The following TMEM150C variants were observed in gnomAD, a reference collection of about 807,000 sequenced individuals.
The protein encoded by TMEM150C is tentonin 3.
A neutral mutation model predicts 29.9 loss-of-function variants in TMEM150C; 10 were observed. That is an observed-to-expected ratio of 0.33 (90% CI 0.21 to 0.57). TMEM150C has a LOEUF of 0.57. TMEM150C is among the 20% of genes least tolerant of loss of function. The pLI, the probability that TMEM150C is intolerant of heterozygous loss-of-function variation, is 0.88. For missense variants in TMEM150C, 251 were observed against 303.6 expected (o/e 0.83, Z 1.29); for synonymous variants, 101 against 112.5 (o/e 0.90, Z 0.64).
At chr4:82,506,334 A>G (rs1723919436) in intron 1 of TMEM150C, among the ~76,000 whole-genome samples, 1 of 152,260 alleles carries the variant, frequency 6.6e-6, no homozygotes, top group Non-Finnish European at 1.5e-5. Context: ...CTTTCAGACT[A>G]AGAGATAGAC....
chr4:82,530,630 A>T (rs116545055), intron 1 of TMEM150C, among the ~76,000 whole-genome samples: 6,853 of 152,286 alleles, frequency 0.045, 542 homozygotes, highest in African/African-American at 0.15. Flanking sequence ...GGAATTCCTA[A>T]GTTTGTCTCC....
At chr4:82,552,789 T>C (rs1441074324) in intron 1 of TMEM150C, among the ~76,000 whole-genome samples, 1 of 152,192 alleles carries the variant, frequency 6.6e-6, no homozygotes, top group Non-Finnish European at 1.5e-5. Context: ...GCTTGCCATC[T>C]CTTCTGGGCT....
At chr4:82,515,327 G>A in intron 1 of TMEM150C, among the ~76,000 whole-genome samples, 1 of 152,268 alleles carries the variant, frequency 6.6e-6, no homozygotes, top group Non-Finnish European at 1.5e-5. Context: ...AGATTTCACT[G>A]TATTTTATTC....
intron 5 of TMEM150C, among the ~76,000 whole-genome samples, chr4:82,499,002 T>C (rs1033522347): frequency 6.6e-6 from 1 of 152,166 alleles, no homozygotes; most frequent in Non-Finnish European, 1.5e-5. Context: ...CTTTTTTACC[T>C]CTTAACTCCA....
intron 7 of TMEM150C, among the ~76,000 whole-genome samples, chr4:82,486,496 A>G (rs1181881985): frequency 6.6e-6 from 1 of 152,126 alleles, no homozygotes; most frequent in East Asian, 1.9e-4. Flanking sequence ...ACCGTGTCTG[A>G]GTGGCTGGCC....
chr4:82,538,881 C>T (rs528608952), intron 1 of TMEM150C, among the ~76,000 whole-genome samples: 30 of 152,016 alleles, frequency 2.0e-4, no homozygotes, highest in Admixed American at 1.3e-3. Flanking sequence ...GGCAACATGG[C>T]GAAACCTTAA....
chr4:82,497,843 G>A (rs919984718), intron 5 of TMEM150C, among the ~76,000 whole-genome samples: 4 of 152,158 alleles, frequency 2.6e-5, no homozygotes, highest in African/African-American at 7.2e-5. Context: ...AGTAGGAGGA[G>A]GAAGTAGGGG....
intron 5 of TMEM150C, among the ~76,000 whole-genome samples, chr4:82,497,100 G>A (rs1008241822): frequency 3.3e-5 from 5 of 152,298 alleles, no homozygotes; most frequent in Admixed American, 3.3e-4. Context: ...TTTCAAATCT[G>A]ACTTCTAATA....
chr4:82,513,671 GT>G (rs1724203555), intron 1 of TMEM150C, among the ~76,000 whole-genome samples: 1 of 152,134 alleles, frequency 6.6e-6, no homozygotes, highest in Non-Finnish European at 1.5e-5. Context: ...AAGAGGAAGA[GT>G]TTAGAAATTT....
rs138326218 is a variant in TMEM150C, at chr4:82,555,199, T to C, written c.-11+6707A>G. 2.5e-3 allele frequency among the ~76,000 whole-genome samples: 374 copies of C among 152,340 alleles called. 3 individuals carry two copies. The highest frequency in any genetic ancestry group is 8.5e-3 in the African/African-American group (353 of 41,574). ...TCATATGAAATTCTTAAAACAACAT[T>C]GTTTTCTATTTATTTTATTAAAACT... On this transcript the variant is annotated intron_variant, in intron 1 of 7. Transcript: ENST00000449862.
chr4:82,491,487 T>G (rs1723345210), intron 6 of TMEM150C: 1 of 682,442 alleles, frequency 1.5e-6, no homozygotes, highest in Non-Finnish European at 2.6e-6. Context: ...GCGAGTGAGG[T>G]CACTTTTGGG....
At chr4:82,553,943 A>G (rs4693455) in intron 1 of TMEM150C, among the ~76,000 whole-genome samples, 53,425 of 152,150 alleles carry the variant, frequency 0.35, 13,738 homozygotes, top group African/African-American at 0.73. Context: ...TATGCCACAT[A>G]TAAGCTGAAA....
chr4:82,490,657 T>A (rs1286137873), intron 6 of TMEM150C, among the ~76,000 whole-genome samples: 1 of 152,116 alleles, frequency 6.6e-6, no homozygotes, highest in East Asian at 1.9e-4. Flanking sequence ...TAAAATACAG[T>A]GGCGTGATCA....
In TMEM150C at chr4:82,490,097, T is replaced by C; in HGVS notation, c.505A>G (p.Ile169Val). 6.2e-7 allele frequency: 1 copy of C among 1,613,998 alleles called. No homozygotes were observed. The highest frequency in any genetic ancestry group is 8.5e-7 in the Non-Finnish European group (1 of 1,179,884). ...EGRRVGIPRV[I>V]LSASITLCVV... Reference sequence around the variant, plus strand: ...CAGAGAGTGATAGATGCCGACAGAATAACCCGTGGAATTCCAACTCTCCGT... The same window carrying C: ...CAGAGAGTGATAGATGCCGACAGAACAACCCGTGGAATTCCAACTCTCCGT... The change falls in exon 7 of 8, where the codon ATT (isoleucine) becomes GTT (valine). Residue 169 changes from isoleucine to valine, a missense_variant. Coordinates refer to ENST00000449862, the MANE Select transcript of TMEM150C (RefSeq NM_001080506.3).
intron 1 of TMEM150C, among the ~76,000 whole-genome samples, chr4:82,541,770 G>A (rs868282682): frequency 1.3e-5 from 2 of 152,038 alleles, no homozygotes; most frequent in African/African-American, 4.8e-5. Flanking sequence ...AAATAGTGAC[G>A]AACTGTTGAT....
intron 1 of TMEM150C, among the ~76,000 whole-genome samples, chr4:82,530,295 A>C (rs1000065033): frequency 4.6e-5 from 7 of 152,006 alleles, no homozygotes; most frequent in African/African-American, 1.7e-4. Context: ...CGGTGGCTCA[A>C]GCCTGTAATC....
At chr4:82,507,723 CTCTCTTTTTTTT>C (rs1190950679) in intron 1 of TMEM150C, among the ~76,000 whole-genome samples, 43 of 86,030 alleles carry the variant, frequency 5.0e-4, no homozygotes, top group East Asian at 2.9e-3. Context: ...CTCTCTCTCT[CTCTCTTTTTTTT>C]TTTTTTTTTT....
intron 1 of TMEM150C, among the ~76,000 whole-genome samples, chr4:82,539,058 C>A (rs1471077255): frequency 6.6e-6 from 1 of 152,124 alleles, no homozygotes; most frequent in Non-Finnish European, 1.5e-5. Context: ...CAGACCTAGA[C>A]CCTGTCTCAA....
At chr4:82,488,229 G>T (rs191648463) in intron 7 of TMEM150C, among the ~76,000 whole-genome samples, 15 of 152,252 alleles carry the variant, frequency 9.9e-5, no homozygotes, top group Admixed American at 5.9e-4. Flanking sequence ...TAGAATAATG[G>T]TCTCCAATTC....
Sources: allele counts gnomAD v4.1 joint callset (sites outside exome capture counted in the v4.1 genomes callset), GRCh38; gene constraint gnomAD v4.1.1; transcripts MANE v1.5; gene names NCBI Gene and HGNC (gene_info 2026-07-23, HGNC 2026-07-21).